Variants in KCNQ3 observed in about 807,000 individuals in gnomAD.
The protein encoded by KCNQ3 is potassium voltage-gated channel subfamily KQT member 3.
A neutral mutation model predicts 92.5 loss-of-function variants in KCNQ3; 30 were observed. The observed-to-expected ratio is 0.32, with a 90% CI of 0.24 to 0.44. The LOEUF (loss-of-function observed/expected upper bound fraction) is 0.44. KCNQ3 is among the 20% of genes least tolerant of loss of function. The pLI is 1.00. For synonymous variants in KCNQ3, 450 were observed against 468.8 expected, an observed-to-expected ratio of 0.96 and a Z score of 0.52; for missense variants, 913 against 1,140.3, an observed-to-expected ratio of 0.80 and a Z score of 2.87.
At chr8:132,380,931 G>GAAAAAAA (rs553931640) in intron 1 of KCNQ3, among the ~76,000 whole-genome samples, 40 of 87,374 alleles carry the variant, frequency 4.6e-4, no homozygotes, top group Non-Finnish European at 6.5e-4. Flanking sequence ...AATGAAAGCA[G>GAAAAAAA]AAAAAAAAAA....
chr8:132,287,155 G>A (rs1406402377), intron 1 of KCNQ3, among the ~76,000 whole-genome samples: 3 of 152,164 alleles, frequency 2.0e-5, no homozygotes, highest in Non-Finnish European at 4.4e-5. Flanking sequence ...ACTTTGTAAT[G>A]GAAACATTTC....
At chr8:132,376,292 G>A (rs1309892114) in intron 1 of KCNQ3, among the ~76,000 whole-genome samples, 1 of 151,358 alleles carries the variant, frequency 6.6e-6, no homozygotes, top group African/African-American at 2.5e-5. Context: ...TAGTTAAATT[G>A]ACGGCCTATC....
chr8:132,252,086 T>C (rs146639633), intron 1 of KCNQ3, among the ~76,000 whole-genome samples: 138 of 152,318 alleles, frequency 9.1e-4, no homozygotes, highest in African/African-American at 3.2e-3. Flanking sequence ...ATGATCTCAG[T>C]TGGCATCATC....
intron 1 of KCNQ3, among the ~76,000 whole-genome samples, chr8:132,306,224 G>A (rs1817417878): frequency 6.6e-6 from 1 of 152,184 alleles, no homozygotes; most frequent in African/African-American, 2.4e-5. Context: ...TGAGTGTTCT[G>A]TTAGCTCCTG....
At position 132,120,964 on chromosome 8, in the gene KCNQ3, T is replaced by C. The variant is rs186963602; in HGVS notation, c.*8298A>G. ...TGCATAATATATATGGAAATCAACC[T>C]ATTAAAGTTGTTCAAATATTGGACA... On this transcript the variant is annotated 3_prime_UTR_variant, in exon 15 of 15. Coordinates refer to ENST00000388996, the MANE Select transcript of KCNQ3 (RefSeq NM_004519.4). 5.3e-5 allele frequency: 8 copies of C among 152,332 alleles called. No homozygotes were observed. The highest frequency in any genetic ancestry group is 2.6e-4 in the Admixed American group (4 of 15,302). 9.4% of individuals were successfully genotyped at this position (152,332 alleles called of 1,614,324 possible). A position where few individuals can be genotyped will look rare whatever the true frequency, so the allele number is the denominator to read the frequency against.
intron 1 of KCNQ3, among the ~76,000 whole-genome samples, chr8:132,269,045 T>C (rs1410807517): frequency 6.6e-6 from 1 of 152,232 alleles, no homozygotes; most frequent in Non-Finnish European, 1.5e-5. Context: ...TCTTCTTTGG[T>C]GAGGTGTCTA....
chr8:132,203,201 G>T (rs1254336816), intron 1 of KCNQ3, among the ~76,000 whole-genome samples: 1 of 152,186 alleles, frequency 6.6e-6, no homozygotes, highest in African/African-American at 2.4e-5. Context: ...GCCTCTTGAA[G>T]TTTCCACTTC....
intron 1 of KCNQ3, among the ~76,000 whole-genome samples, chr8:132,408,842 G>C (rs567576733): frequency 6.6e-6 from 1 of 152,192 alleles, no homozygotes; most frequent in East Asian, 1.9e-4. Context: ...ACAAGGCCTC[G>C]GTCCTACAAC....
At chr8:132,138,491 T>C (rs889505064) in intron 11 of KCNQ3, among the ~76,000 whole-genome samples, 1 of 152,162 alleles carries the variant, frequency 6.6e-6, no homozygotes, top group Non-Finnish European at 1.5e-5. Context: ...GGACAGCTGA[T>C]ATATCTCATC....
intron 4 of KCNQ3, among the ~76,000 whole-genome samples, chr8:132,176,862 A>G (rs1375139875): frequency 6.6e-6 from 1 of 152,208 alleles, no homozygotes; most frequent in East Asian, 1.9e-4. Flanking sequence ...CTCATTTGCT[A>G]TTATGCTCTG....
At chr8:132,164,086 G>GAACTCACACCTAAA (rs1826070773) in intron 8 of KCNQ3, among the ~76,000 whole-genome samples, 2 of 152,092 alleles carry the variant, frequency 1.3e-5, no homozygotes, top group Non-Finnish European at 2.9e-5. Flanking sequence ...CTCCTAACTG[G>GAACTCACACCTAAA]GAGGTGCACC....
At chr8:132,278,643 T>C (rs1275161225) in intron 1 of KCNQ3, among the ~76,000 whole-genome samples, 1 of 152,218 alleles carries the variant, frequency 6.6e-6, no homozygotes, top group Non-Finnish European at 1.5e-5. Context: ...AAGTGTGGCC[T>C]GAAGACCAGC....
chr8:132,234,526 C>T (rs989654087), intron 1 of KCNQ3, among the ~76,000 whole-genome samples: 4 of 151,830 alleles, frequency 2.6e-5, no homozygotes, highest in Non-Finnish European at 4.4e-5. Flanking sequence ...AAAGAAGATT[C>T]AACCTGAAAA....
intron 1 of KCNQ3, among the ~76,000 whole-genome samples, chr8:132,469,900 T>C (rs117050378): frequency 1.3e-5 from 2 of 151,950 alleles, no homozygotes; most frequent in Non-Finnish European, 2.9e-5. Context: ...ATACCAGGCA[T>C]CACTTGGACA....
chr8:132,357,846 C>G (rs1029860758), intron 1 of KCNQ3, among the ~76,000 whole-genome samples: 1 of 152,216 alleles, frequency 6.6e-6, no homozygotes, highest in African/African-American at 2.4e-5. Context: ...AGAACCTTCC[C>G]CTTGCACTCC....
At chr8:132,380,311 T>C (rs1490418074) in intron 1 of KCNQ3, among the ~76,000 whole-genome samples, 2 of 152,140 alleles carry the variant, frequency 1.3e-5, no homozygotes, top group Admixed American at 6.5e-5. Context: ...ACAGAGCACA[T>C]AGCCCCTTCC....
At chr8:132,321,145 G>A (rs997974359) in intron 1 of KCNQ3, among the ~76,000 whole-genome samples, 1 of 152,184 alleles carries the variant, frequency 6.6e-6, no homozygotes, top group Non-Finnish European at 1.5e-5. Context: ...GGAACATAGA[G>A]TCATCTCATG....
chr8:132,132,332 AG>A (rs1824912047), intron 13 of KCNQ3, 68 bp from the exon 14 acceptor site: 2 of 1,294,682 alleles, frequency 1.5e-6, no homozygotes, highest in African/African-American at 2.9e-5. Context: ...AATTTCGGCT[AG>A]GCAGGCCATG....
At chr8:132,140,801 T>G (rs1825268736) in intron 10 of KCNQ3, 1 of 364,150 alleles carries the variant, frequency 2.7e-6, no homozygotes, top group South Asian at 3.0e-5. Context: ...GCTTTGCACC[T>G]GGCACCGCCC....
Sources: gnomAD v4.1 joint callset for allele counts (sites outside exome capture counted in the v4.1 genomes callset) on GRCh38, gnomAD v4.1.1 for gene constraint, MANE v1.5 for transcripts, NCBI Gene and HGNC (gene_info 2026-07-23, HGNC 2026-07-21) for gene names.